The following ZNF704 variants were observed in gnomAD, a reference collection of about 807,000 sequenced individuals.
ZNF704 encodes the protein zinc finger protein 704, also known as glucocorticoid induced gene 1.
Under a neutral mutation model 44.7 loss-of-function variants are expected in ZNF704, and 10 were observed. The observed-to-expected ratio is 0.22, with a 90% CI of 0.14 to 0.38. The LOEUF is 0.38. ZNF704 is among the 10% of genes least tolerant of loss of function. ZNF704 has a pLI of 1.00. For missense variants in ZNF704, 390 were observed against 545.5 expected (o/e 0.71, Z 2.84); for synonymous variants, 211 against 207.6 (o/e 1.02, Z -0.14).
chr8:80,704,633 A>G (rs960758734), intron 2 of ZNF704, among the ~76,000 whole-genome samples: 2 of 152,162 alleles, frequency 1.3e-5, no homozygotes, highest in African/African-American at 4.8e-5. Flanking sequence ...CCAATGGCCA[A>G]CGATTTACTA....
chr8:80,808,417 T>C (rs1337916074), intron 2 of ZNF704, among the ~76,000 whole-genome samples: 3 of 152,218 alleles, frequency 2.0e-5, no homozygotes, highest in African/African-American at 4.8e-5. Flanking sequence ...CTTTTTAGGT[T>C]TGTAGCAACA....
intron 1 of ZNF704, among the ~76,000 whole-genome samples, chr8:80,853,483 T>C (rs1808905244): frequency 1.3e-5 from 2 of 152,058 alleles, no homozygotes; most frequent in Middle Eastern, 3.4e-3. Flanking sequence ...TAAGAAAAAG[T>C]TACATAAAAC....
chr8:80,784,801 TAAAAGGTCATC>T (rs137945303), intron 2 of ZNF704, among the ~76,000 whole-genome samples: 7,018 of 152,200 alleles, frequency 0.046, 573 homozygotes, highest in African/African-American at 0.16. Flanking sequence ...CTGTTGTTTC[TAAAAGGTCATC>T]ACCATACCCA....
chr8:80,688,277 G>A (rs1818575300), intron 3 of ZNF704, among the ~76,000 whole-genome samples: 1 of 152,128 alleles, frequency 6.6e-6, no homozygotes, highest in South Asian at 2.1e-4. Flanking sequence ...TAGGAAGTTA[G>A]TCTAACACTT....
At chr8:80,817,922 C>G (rs1054535909) in intron 2 of ZNF704, among the ~76,000 whole-genome samples, 1 of 152,200 alleles carries the variant, frequency 6.6e-6, no homozygotes, top group African/African-American at 2.4e-5. Flanking sequence ...GTCTGTCCCT[C>G]TCATTCCACC....
intron 2 of ZNF704, among the ~76,000 whole-genome samples, chr8:80,748,023 C>T (rs1162014929): frequency 6.6e-6 from 1 of 152,142 alleles, no homozygotes; most frequent in African/African-American, 2.4e-5. Context: ...ATGTTTAAAG[C>T]ACTTCATTTT....
intron 2 of ZNF704, among the ~76,000 whole-genome samples, chr8:80,763,930 T>C (rs929292100): frequency 6.6e-6 from 1 of 152,032 alleles, no homozygotes; most frequent in African/African-American, 2.4e-5. Context: ...ACAGCAAGAG[T>C]GACCTTTGCT....
chr8:80,881,620 A>AT, the ZNF704 span, among the ~76,000 whole-genome samples: 1 of 152,048 alleles, frequency 6.6e-6, no homozygotes, highest in African/African-American at 2.4e-5. Context: ...CACTTTCCCT[A>AT]TTTTTTTGCC....
chr8:80,841,443 C>T (rs1036461659), intron 1 of ZNF704, among the ~76,000 whole-genome samples: 1 of 152,112 alleles, frequency 6.6e-6, no homozygotes, highest in Non-Finnish European at 1.5e-5. Flanking sequence ...ACCCCCAACA[C>T]ATATTTTTCA....
At chr8:80,795,444 T>A (rs759097689) in intron 2 of ZNF704, among the ~76,000 whole-genome samples, 3 of 152,200 alleles carry the variant, frequency 2.0e-5, no homozygotes, top group Non-Finnish European at 2.9e-5. Context: ...TCTATTTTAA[T>A]AACTGAACCC....
chr8:80,719,790 C>T (rs575813820), intron 2 of ZNF704, among the ~76,000 whole-genome samples: 200 of 152,298 alleles, frequency 1.3e-3, no homozygotes, highest in South Asian at 0.011. Context: ...AAGCAAGTTA[C>T]TGAGCACAAG....
Position 80,874,013 on chromosome 8 carries a change from C to G in ZNF704, c.-22+558G>C, listed in dbSNP as rs2130087681. Reference sequence around the variant, plus strand: ...GGCGCCCCCCCGGCGGCTGCCCAGGCTGGAGCGCTTGGCTAGACGCCGCGC... The same window carrying G: ...GGCGCCCCCCCGGCGGCTGCCCAGGGTGGAGCGCTTGGCTAGACGCCGCGC... On this transcript the variant is annotated intron_variant, in intron 1 of 8. Coordinates refer to ENST00000327835, the MANE Select transcript of ZNF704 (RefSeq NM_001033723.3). This position sits in a 1 kb window ranked among gnomAD's most constrained non-coding sequence, Gnocchi z 4.4. 6.8e-6 allele frequency among the ~76,000 whole-genome samples: 1 copy of G among 146,928 alleles called. No individual in the cohort carries two copies. The highest frequency in any genetic ancestry group is 2.1e-4 in the South Asian group (1 of 4,812).
At chr8:80,713,532 C>T (rs905517186) in intron 2 of ZNF704, among the ~76,000 whole-genome samples, 1 of 152,274 alleles carries the variant, frequency 6.6e-6, no homozygotes, top group East Asian at 1.9e-4. Flanking sequence ...TTTTTCTTAT[C>T]AGTCATAAAA....
intron 2 of ZNF704, among the ~76,000 whole-genome samples, chr8:80,740,646 A>G (rs908687503): frequency 6.6e-6 from 1 of 152,122 alleles, no homozygotes; most frequent in African/African-American, 2.4e-5. Flanking sequence ...TTTCCCAAAT[A>G]CCAGAGGAAC....
intron 3 of ZNF704, among the ~76,000 whole-genome samples, chr8:80,690,788 C>A (rs1409686152): frequency 6.6e-6 from 1 of 152,220 alleles, no homozygotes; most frequent in Non-Finnish European, 1.5e-5. Context: ...GCAGGCGGAT[C>A]ACCTGATGTC....
At chr8:80,875,446 A>G (rs1809343831), upstream of ZNF704, among the ~76,000 whole-genome samples, 1 of 152,108 alleles carries the variant, frequency 6.6e-6, no homozygotes, top group African/African-American at 2.4e-5. Context: ...CTGGGATTAA[A>G]GGCGCGCTCC....
chr8:80,689,598 T>G (rs1254596582), intron 3 of ZNF704, among the ~76,000 whole-genome samples: 1 of 152,158 alleles, frequency 6.6e-6, no homozygotes, highest in Non-Finnish European at 1.5e-5. Context: ...CAGGCCCGGG[T>G]GGCTTACAAA....
At chr8:80,725,890 T>G (rs1335131190) in intron 2 of ZNF704, among the ~76,000 whole-genome samples, 1 of 152,196 alleles carries the variant, frequency 6.6e-6, no homozygotes, top group Non-Finnish European at 1.5e-5. Context: ...AAAAGAAATT[T>G]CTTTTAAAAA....
chr8:80,742,724 A>G (rs59725388), intron 2 of ZNF704, among the ~76,000 whole-genome samples: 2,557 of 152,182 alleles, frequency 0.017, 80 homozygotes, highest in African/African-American at 0.058. Context: ...ACCATGCTCC[A>G]ATGTTGATGA....
Sources: allele counts gnomAD v4.1 joint callset (sites outside exome capture counted in the v4.1 genomes callset), GRCh38; gene constraint gnomAD v4.1.1; non-coding constraint Gnocchi (gnomAD v3.1); transcripts MANE v1.5; gene names NCBI Gene and HGNC (gene_info 2026-07-23, HGNC 2026-07-21).